Variants in MICAL2 observed in about 807,000 individuals in gnomAD.
The protein encoded by MICAL2 is [F-actin]-monooxygenase MICAL2.
MICAL2 carries 77 observed loss-of-function variants against 127.3 expected under a neutral mutation model. The observed-to-expected ratio is 0.60, with a 90% CI of 0.50 to 0.73. MICAL2 has a LOEUF of 0.73. MICAL2 is among the 30% of genes least tolerant of loss of function. The probability of loss-of-function intolerance (pLI) is 0.00; values close to 1 mark genes in which losing one functional copy is unlikely to be tolerated. For missense variants in MICAL2, 1,351 were observed against 1,434.4 expected (o/e 0.94, Z 0.94); for synonymous variants, 570 against 551.1 (o/e 1.03, Z -0.48).
rs765801924 is a variant in MICAL2 at position 12,349,922 on chromosome 11, C to G, written c.5600C>G (p.Ser1867Trp). 3.7e-6 allele frequency: 6 copies of G among 1,613,584 alleles called. No individual in the cohort carries two copies. The South Asian group carries it at 6.6e-5, about 18-fold the overall frequency. The change falls in exon 33 of 35, where the codon TCG becomes TGG. Residue 1867 changes from serine to tryptophan, a missense_variant. Coordinates refer to the MICAL2 transcript ENST00000646065. The stretch of plus-strand genomic sequence containing the variant: ...AAGAATAAATTAATGCGATATGAGT[C>G]GGAGCTCCTAATCATGTAAGTAAGG...
Position 12,358,301 on chromosome 11 carries a change from A to G in MICAL2, c.5696A>G (p.Gln1899Arg), listed in dbSNP as rs772151939. Residue 1899 changes from glutamine (Q) to arginine (R), a missense_variant, in exon 35 of 35, where the codon CAG becomes CGG. Coordinates refer to the MICAL2 transcript ENST00000646065. ...TTTTCTTTTTTTTCTTTAGAGAGCC[A>G]GAAAGATGAGAAGGATCTAAACGAA... The G allele has an allele frequency of 1.8e-5, 29 of 1,613,438 alleles. 1 individual carries two copies. The South Asian group carries it at 3.0e-4, about 17-fold the overall frequency.
rs554793442 is a variant in MICAL2, at chr11:12,231,142, G to C, written c.1995+4011G>C. Among the ~76,000 whole-genome samples the C allele has an allele frequency of 1.3e-5, 2 of 152,314 alleles. 1 individual carries two copies. The highest frequency in any genetic ancestry group is 4.1e-4 in the South Asian group (2 of 4,824). ...ACCCTCAGACTCACAATACCTACCAGTACTCTCCTAGACCTGCCACACATG... is the reference window on the plus strand; with the variant it reads ...ACCCTCAGACTCACAATACCTACCACTACTCTCCTAGACCTGCCACACATG... On this transcript the variant is annotated intron_variant, in intron 15 of 27. Coordinates refer to ENST00000683283, the MANE Select transcript of MICAL2 (RefSeq NM_001282663.2).
rs144595420 is a variant in MICAL2 at position 12,286,122 on chromosome 11, A to G, written c.255-965A>G. 2.2e-3 allele frequency among the ~76,000 whole-genome samples: 338 copies of G among 151,714 alleles called. 3 individuals carry two copies. The highest frequency in any genetic ancestry group is 7.8e-3 in the African/African-American group (319 of 40,962). On this transcript the variant is annotated intron_variant, in intron 2 of 2. Transcript: ENST00000529028. Reference sequence around the variant, plus strand: ...CATGTGATGTTCATTTTGCTCAGCTAATCCTCAAGGCCCAGCTGGCAGAGG... The same window carrying G: ...CATGTGATGTTCATTTTGCTCAGCTGATCCTCAAGGCCCAGCTGGCAGAGG...
chr11:12,314,431 AAATT>A (rs1864208844), intron 29 of MICAL2, among the ~76,000 whole-genome samples: 1 of 152,012 alleles, frequency 6.6e-6, no homozygotes, highest in Admixed American at 6.6e-5. Flanking sequence ...AATCTATATT[AAATT>A]AATTCTCTTA....
intron 1 of MICAL2, among the ~76,000 whole-genome samples, chr11:12,125,924 A>C (rs1850882301): frequency 1.3e-5 from 2 of 152,146 alleles, no homozygotes. Flanking sequence ...GCTAATGTGA[A>C]CTGGTGAGGC....
Position 12,241,248 on chromosome 11 carries a change from C to T in MICAL2, c.2337+86C>T, listed in dbSNP as rs189847750. On this transcript the variant is annotated intron_variant, in intron 18 of 27. Transcript: ENST00000683283. ...GGTGGGGTCAGTGGCTCTTCCCACA[C>T]CCCAAGTAGGGCTGATTGTAGATTT... 319 of 1,493,084 alleles carry T rather than the reference C, an allele frequency of 2.1e-4. 1 individual carries two copies. The highest frequency in any genetic ancestry group is 1.5e-3 in the Admixed American group (69 of 47,012). 92.5% of individuals were successfully genotyped at this position (1,493,084 alleles called of 1,614,324 possible).
chr11:12,157,755 G>C lies in MICAL2; in HGVS notation c.-77-4324G>C, dbSNP rs532027645. ...GGTGAGGGGAAGGATAGCCACCAAAGGTTTTGCACTCCAGTTCTCTGGAAG... is the reference window on the plus strand; with the variant it reads ...GGTGAGGGGAAGGATAGCCACCAAACGTTTTGCACTCCAGTTCTCTGGAAG... On this transcript the variant is annotated intron_variant, in intron 2 of 27. Coordinates refer to ENST00000683283, the MANE Select transcript of MICAL2 (RefSeq NM_001282663.2). Among the ~76,000 whole-genome samples the C allele has an allele frequency of 3.9e-5, 6 of 152,240 alleles. No individual in the cohort carries two copies. The South Asian group carries it at 6.2e-4, about 16-fold the overall frequency.
At chr11:12,175,521 T>A (rs1250890711) in intron 3 of MICAL2, among the ~76,000 whole-genome samples, 1 of 151,422 alleles carries the variant, frequency 6.6e-6, no homozygotes, top group Non-Finnish European at 1.5e-5. Flanking sequence ...CCTCTTGGAG[T>A]TTATGTTCTT....
Position 12,223,407 on chromosome 11 carries a change from A to G in MICAL2, c.1450-4A>G, listed in dbSNP as rs1857052867. The G allele has an allele frequency of 1.4e-5, 22 of 1,613,096 alleles. No individual in the cohort carries two copies. The highest frequency in any genetic ancestry group is 1.8e-5 in the Non-Finnish European group (21 of 1,179,154). On this transcript the variant is annotated splice_polypyrimidine_tract_variant and splice_region_variant and intron_variant, in intron 11 of 27. Coordinates refer to ENST00000683283, the MANE Select transcript of MICAL2 (RefSeq NM_001282663.2). ...GTGGGCAAGCATGTCTCTCTTGCTC[A>G]TAGGTGAAGCATTTGTATATCACTA... is the stretch of plus-strand genomic sequence containing the variant.
intron 16 of MICAL2, 39 bp from the exon 17 acceptor site, chr11:12,239,397 C>T: frequency 3.7e-6 from 6 of 1,612,988 alleles, no homozygotes; most frequent in Non-Finnish European, 5.1e-6. Flanking sequence ...ATCCAGATTC[C>T]AGGATCCAAC....
chr11:12,204,116 A>G, intron 3 of MICAL2, 134 bp from the exon 4 acceptor site: 1 of 786,332 alleles, frequency 1.3e-6, no homozygotes, highest in Admixed American at 2.3e-5. Context: ...ACAGGCCCTA[A>G]CAGGTACACA....
chr11:12,319,854 G>A, intron 30 of MICAL2: 17 of 1,461,138 alleles, frequency 1.2e-5, no homozygotes, highest in Non-Finnish European at 1.6e-5. Flanking sequence ...GGCTGGTGGG[G>A]GCTGCTTACC....
At chr11:12,226,659 T>G (rs1165765648) in intron 14 of MICAL2, among the ~76,000 whole-genome samples, 7 of 149,570 alleles carry the variant, frequency 4.7e-5, no homozygotes, top group East Asian at 3.9e-4. Flanking sequence ...TGGTTTTTTT[T>G]TTTTTTTTTT....
At chr11:12,301,495 T>G (rs946581336) in intron 29 of MICAL2, among the ~76,000 whole-genome samples, 1 of 152,232 alleles carries the variant, frequency 6.6e-6, no homozygotes, top group African/African-American at 2.4e-5. Flanking sequence ...ACATATGTGC[T>G]TGTGTCTGTT....
chr11:12,255,435 C>A (rs367563136), intron 22 of MICAL2: 2 of 558,374 alleles, frequency 3.6e-6, no homozygotes, highest in East Asian at 6.0e-5. Flanking sequence ...TGTGTTTTTG[C>A]GGCCACAGGG....
At chr11:12,292,851 C>G (rs1393260195), downstream of MICAL2, among the ~76,000 whole-genome samples, 2 of 152,160 alleles carry the variant, frequency 1.3e-5, no homozygotes, top group East Asian at 3.9e-4. Flanking sequence ...TGGTGAAGCC[C>G]CTGTGCTATG....
At chr11:12,233,914 A>G (rs1164892407) in intron 15 of MICAL2, among the ~76,000 whole-genome samples, 1 of 152,182 alleles carries the variant, frequency 6.6e-6, no homozygotes, top group East Asian at 1.9e-4. Flanking sequence ...AGTGTTCTTA[A>G]CCTTTTTGTC....
intron 3 of MICAL2, among the ~76,000 whole-genome samples, chr11:12,186,156 A>AAGT (rs1261330698): frequency 6.6e-6 from 1 of 152,236 alleles, no homozygotes; most frequent in Non-Finnish European, 1.5e-5. Flanking sequence ...AGTGGCTGAG[A>AAGT]GCTCTCCAGT....
chr11:12,215,786 A>G (rs1222044644), intron 7 of MICAL2, among the ~76,000 whole-genome samples: 1 of 152,206 alleles, frequency 6.6e-6, no homozygotes, highest in Non-Finnish European at 1.5e-5. Context: ...ATTCCTTGGC[A>G]TAGTCATTGG....
Sources: allele counts gnomAD v4.1 joint callset (sites outside exome capture counted in the v4.1 genomes callset), GRCh38; gene constraint gnomAD v4.1.1; transcripts MANE v1.5; gene names NCBI Gene and HGNC (gene_info 2026-07-23, HGNC 2026-07-21).